The following HMGN5 variants were observed in gnomAD, a reference collection of about 807,000 sequenced individuals.
HMGN5 encodes the protein high mobility group nucleosome-binding domain-containing protein 5.
A neutral mutation model predicts 9.5 loss-of-function variants in HMGN5; 4 were observed. The ratio of observed to expected loss-of-function variants is 0.42; its 90% CI spans 0.21 to 0.96. The LOEUF (loss-of-function observed/expected upper bound fraction) is 0.96, where lower values mean the gene tolerates loss of function less well. Among genes scored for constraint, HMGN5 ranks in the 40% least tolerant of loss-of-function variants. The probability of loss-of-function intolerance (pLI) is 0.30; values close to 1 mark genes in which losing one functional copy is unlikely to be tolerated. For missense variants in HMGN5, 192 were observed against 187.5 expected (o/e 1.02, Z -0.14); for synonymous variants, 55 against 57.1 (o/e 0.96, Z 0.16).
chrX:81,178,211 G>T (rs1039929851), intron 1 of HMGN5, among the ~76,000 whole-genome samples: 20 of 111,084 alleles, frequency 1.8e-4, no homozygotes, highest in Admixed American at 7.7e-4. Flanking sequence ...AAATAACTAA[G>T]ATCAGAGCAG....
chrX:81,163,899 T>C (rs922258491), intron 1 of HMGN5, among the ~76,000 whole-genome samples: 1 of 111,579 alleles, frequency 9.0e-6, no homozygotes, highest in African/African-American at 3.3e-5. Context: ...TTATTTATTG[T>C]ATAGGCCTTC....
intron 1 of HMGN5, among the ~76,000 whole-genome samples, chrX:81,145,460 T>C (rs1327929190): frequency 3.6e-5 from 4 of 111,986 alleles, no homozygotes; most frequent in South Asian, 3.7e-4. Context: ...TGCTGAGATA[T>C]TGTCACCACC....
chrX:81,163,960 A>G (rs1441201764), intron 1 of HMGN5, among the ~76,000 whole-genome samples: 1 of 111,631 alleles, frequency 9.0e-6, no homozygotes, highest in Admixed American at 9.6e-5. Flanking sequence ...TAATTATTTT[A>G]CAAGTGTCCT....
chrX:81,156,327 A>T (rs2075382866), intron 1 of HMGN5, among the ~76,000 whole-genome samples: 1 of 111,950 alleles, frequency 8.9e-6, no homozygotes, highest in African/African-American at 3.2e-5. Flanking sequence ...CCAGGCTAAC[A>T]CATATTAGCA....
chrX:81,131,648 A>G (rs190349689), intron 1 of HMGN5, among the ~76,000 whole-genome samples: 164 of 111,773 alleles, frequency 1.5e-3, no homozygotes, highest in African/African-American at 5.2e-3. Context: ...CATATGAAAA[A>G]TTAAAATTAT....
chrX:81,147,793 AC>A (rs1167936865), intron 1 of HMGN5, among the ~76,000 whole-genome samples: 4 of 112,267 alleles, frequency 3.6e-5, no homozygotes, highest in African/African-American at 1.3e-4. Flanking sequence ...GTCTCAGGAT[AC>A]AAAATCGATG....
In HMGN5 at chrX:81,175,617, T is replaced by C. The variant is rs181003409; in HGVS notation, c.-124+26120A>G. On this transcript the variant is annotated intron_variant, in intron 1 of 6. Transcript: ENST00000358130. ...CTTAAATAAATTTTGAAAATTTATA[T>C]ATCCCAGAGGCTCCTCAGCCGCATG... Among the ~76,000 whole-genome samples the C allele has an allele frequency of 3.2e-3, 360 of 111,184 alleles. 2 individuals carry two copies. The highest frequency in any genetic ancestry group is 0.011 in the African/African-American group (344 of 30,609).
chrX:81,151,137 A>T (rs12690344), intron 1 of HMGN5, among the ~76,000 whole-genome samples: 6,343 of 111,627 alleles, frequency 0.057, 193 homozygotes, highest in South Asian at 0.21. Context: ...TGATTCCCAA[A>T]CCAGAAAAAG....
At chrX:81,189,920 T>C (rs951990387) in intron 1 of HMGN5, among the ~76,000 whole-genome samples, 2 of 112,452 alleles carry the variant, frequency 1.8e-5, no homozygotes, top group Non-Finnish European at 3.8e-5. Flanking sequence ...ATTTTGGTTA[T>C]TCTAATAGTT....
chrX:81,145,983 A>G (rs1306743794), intron 1 of HMGN5, among the ~76,000 whole-genome samples: 1 of 111,491 alleles, frequency 9.0e-6, no homozygotes, highest in Non-Finnish European at 1.9e-5. Context: ...CCAAAACAGG[A>G]GCACCCAGAT....
intron 3 of HMGN5, 165 bp from the exon 4 acceptor site, chrX:81,118,924 C>T (rs1289636174): frequency 1.7e-5 from 7 of 404,230 alleles, no homozygotes; most frequent in Admixed American, 9.8e-5. Context: ...TTGATTTTTC[C>T]GTCCTCTGAA....
intron 1 of HMGN5, among the ~76,000 whole-genome samples, chrX:81,186,292 T>C (rs752914555): frequency 8.9e-6 from 1 of 112,109 alleles, no homozygotes; most frequent in South Asian, 3.6e-4. Context: ...TCTCATTAGT[T>C]GTTACTGATC....
intron 1 of HMGN5, among the ~76,000 whole-genome samples, chrX:81,145,569 G>A (rs1030552484): frequency 1.5e-4 from 17 of 111,838 alleles, no homozygotes; most frequent in Admixed American, 7.6e-4. Flanking sequence ...AAAGACCATC[G>A]ACGCTATGAA....
chrX:81,152,298 GA>G lies in HMGN5; in HGVS notation c.-123-30627del, dbSNP rs776467023. The stretch of plus-strand genomic sequence containing the variant: ...ACAATGAACTCAAACAAATTTACAA[GA>G]AAAAAACAAACAACCCCATCAAAAA... On this transcript the variant is annotated intron_variant, in intron 1 of 6. Transcript: ENST00000358130. Among the ~76,000 whole-genome samples, 8 of 111,076 alleles carry G rather than the reference GA, an allele frequency of 7.2e-5. No homozygotes were observed. In the East Asian group the frequency reaches 2.0e-3, roughly 27 times the overall value.
At chrX:81,188,954 T>A (rs769041515) in intron 1 of HMGN5, among the ~76,000 whole-genome samples, 2 of 111,890 alleles carry the variant, frequency 1.8e-5, no homozygotes, top group East Asian at 5.6e-4. Flanking sequence ...TACTCATTAT[T>A]ACCAGTTTAC....
chrX:81,191,733 A>C (rs1213467284), intron 1 of HMGN5, among the ~76,000 whole-genome samples: 3 of 112,076 alleles, frequency 2.7e-5, no homozygotes, highest in African/African-American at 9.7e-5. Flanking sequence ...CCAGGCTAGA[A>C]ATATTTTTCT....
chrX:81,188,626 C>A (rs895442637), intron 1 of HMGN5, among the ~76,000 whole-genome samples: 4 of 109,613 alleles, frequency 3.6e-5, no homozygotes, highest in South Asian at 4.0e-4. Flanking sequence ...TCCCTCCCCC[C>A]TCTCCCCACC....
At chrX:81,156,662 G>C (rs192561242) in intron 1 of HMGN5, among the ~76,000 whole-genome samples, 3 of 111,882 alleles carry the variant, frequency 2.7e-5, no homozygotes, top group African/African-American at 9.7e-5. Flanking sequence ...TAGAAAGTAA[G>C]CTCCATAGGG....
chrX:81,184,574 T>G (rs1054025831), intron 1 of HMGN5, among the ~76,000 whole-genome samples: 1 of 111,225 alleles, frequency 9.0e-6, no homozygotes, highest in Admixed American at 9.5e-5. Context: ...TTTTTTTGTT[T>G]TGCTTTGTTT....
Sources: allele counts gnomAD v4.1 joint callset (sites outside exome capture counted in the v4.1 genomes callset), GRCh38; gene constraint gnomAD v4.1.1; transcripts MANE v1.5; gene names NCBI Gene and HGNC (gene_info 2026-07-23, HGNC 2026-07-21).